SUPT3H: variants seen among roughly 807,000 people sequenced by gnomAD.
SUPT3H encodes the protein SPT3 homolog, SAGA and STAGA complex component.
Under a neutral mutation model 44.3 loss-of-function variants are expected in SUPT3H, and 44 were observed. The ratio of observed to expected loss-of-function variants is 0.99; its 90% CI spans 0.78 to 1.28. The LOEUF is 1.28. Ranked by LOEUF, SUPT3H falls within the 50% of genes most tolerant of loss-of-function variation. SUPT3H has a pLI of 0.00. For missense variants in SUPT3H, 380 were observed against 387.1 expected (o/e 0.98, Z 0.15); for synonymous variants, 124 against 125.6 (o/e 0.99, Z 0.09).
At chr6:45,017,790 G>A (rs940859481) in intron 4 of SUPT3H, among the ~76,000 whole-genome samples, 8 of 143,148 alleles carry the variant, frequency 5.6e-5, no homozygotes, top group Admixed American at 3.5e-4. Context: ...GATGCCTCCA[G>A]CTTTGTTCTT....
chr6:45,007,020 G>A (rs972727492), intron 5 of SUPT3H, among the ~76,000 whole-genome samples: 5 of 151,992 alleles, frequency 3.3e-5, no homozygotes, highest in Admixed American at 6.6e-5. Context: ...GCATATTGTC[G>A]AATATGTTTC....
intron 3 of SUPT3H, among the ~76,000 whole-genome samples, chr6:45,078,877 CTG>C (rs2153557251): frequency 6.6e-6 from 1 of 152,326 alleles, no homozygotes; most frequent in Admixed American, 6.5e-5. Context: ...TTAGAATTCT[CTG>C]TCTTTGACTT....
chr6:44,988,967 G>A (rs971035828), intron 6 of SUPT3H, among the ~76,000 whole-genome samples: 3 of 152,062 alleles, frequency 2.0e-5, no homozygotes, highest in Non-Finnish European at 2.9e-5. Flanking sequence ...TATTACGAAT[G>A]AATTGTAAAT....
At chr6:44,964,897 T>C (rs920446295) in intron 6 of SUPT3H, among the ~76,000 whole-genome samples, 3 of 152,160 alleles carry the variant, frequency 2.0e-5, no homozygotes, top group Middle Eastern at 3.2e-3. Context: ...TCAAAGGGAA[T>C]TGAGGCTCAG....
At chr6:45,206,740 T>C (rs948460435) in intron 2 of SUPT3H, among the ~76,000 whole-genome samples, 26 of 152,014 alleles carry the variant, frequency 1.7e-4, no homozygotes, top group African/African-American at 6.3e-4. Context: ...ATGTGGGCTG[T>C]GAGAGAGTTA....
chr6:45,107,711 C>A (rs1196276283), intron 2 of SUPT3H, among the ~76,000 whole-genome samples: 1 of 152,046 alleles, frequency 6.6e-6, no homozygotes, highest in Non-Finnish European at 1.5e-5. Flanking sequence ...TGAAAGAATT[C>A]CCATGGATGA....
intron 9 of SUPT3H, among the ~76,000 whole-genome samples, chr6:44,935,148 T>TA (rs1210329133): frequency 6.6e-6 from 1 of 152,070 alleles, no homozygotes; most frequent in African/African-American, 2.4e-5. Flanking sequence ...AGGAAGCCTT[T>TA]AAACGTTATA....
At chr6:45,373,858 C>CA (rs1796425945) in intron 1 of SUPT3H, among the ~76,000 whole-genome samples, 1 of 152,084 alleles carries the variant, frequency 6.6e-6, no homozygotes, top group African/African-American at 2.4e-5. Context: ...CAGCCTGTGA[C>CA]TTACAATATT....
At chr6:45,249,773 A>C (rs1034015595) in intron 2 of SUPT3H, among the ~76,000 whole-genome samples, 1 of 151,660 alleles carries the variant, frequency 6.6e-6, no homozygotes, top group Non-Finnish European at 1.5e-5. Context: ...AAGTTACACC[A>C]GAGAAACGCT....
chr6:44,897,715 C>A (rs1168492919), intron 10 of SUPT3H, among the ~76,000 whole-genome samples: 1 of 152,156 alleles, frequency 6.6e-6, no homozygotes, highest in South Asian at 2.1e-4. Context: ...CCTGGGGATA[C>A]AACAGCGAGC....
chr6:44,817,734 T>G (rs1411705146), intron 11 of SUPT3H, among the ~76,000 whole-genome samples: 8 of 152,134 alleles, frequency 5.3e-5, no homozygotes, highest in African/African-American at 1.9e-4. Context: ...TAAATATTTC[T>G]TATAACATCA....
chr6:45,018,956 G>A (rs1784715961), intron 4 of SUPT3H, among the ~76,000 whole-genome samples: 4 of 152,010 alleles, frequency 2.6e-5, no homozygotes, highest in Admixed American at 2.6e-4. Flanking sequence ...GGTAGAATTC[G>A]GCTGTGAATC....
chr6:44,900,070 C>T lies in SUPT3H; in HGVS notation c.912+32583G>A, dbSNP rs116053958. ...GAGCCAAGACGGCTGAATAGAACAG[C>T]TCCAGTCTACAGCTCCCAGCATAAG... On this transcript the variant is annotated intron_variant, in intron 10 of 10. Coordinates refer to ENST00000371459, the MANE Select transcript of SUPT3H (RefSeq NM_003599.4). 4.7e-3 allele frequency among the ~76,000 whole-genome samples: 718 copies of T among 152,300 alleles called. 8 individuals carry two copies. The highest frequency in any genetic ancestry group is 0.016 in the African/African-American group (670 of 41,556).
chr6:45,064,912 G>A (rs796778539), intron 3 of SUPT3H, among the ~76,000 whole-genome samples: 2,534 of 147,018 alleles, frequency 0.017, 49 homozygotes, highest in South Asian at 0.085. Context: ...GAGACAGAAA[G>A]TCAACAAGGA....
intron 10 of SUPT3H, among the ~76,000 whole-genome samples, chr6:44,851,365 A>G (rs190201618): frequency 2.0e-4 from 31 of 152,368 alleles, no homozygotes; most frequent in African/African-American, 5.8e-4. Flanking sequence ...TTGGAGAGAC[A>G]CTGATGTGAC....
At chr6:45,275,714 T>C (rs1410321048) in intron 2 of SUPT3H, among the ~76,000 whole-genome samples, 7 of 152,150 alleles carry the variant, frequency 4.6e-5, no homozygotes, top group Admixed American at 4.6e-4. Context: ...GTTAGGTAAG[T>C]TGTTAATATT....
intron 2 of SUPT3H, among the ~76,000 whole-genome samples, chr6:45,313,394 T>C (rs1217593780): frequency 6.6e-6 from 1 of 151,998 alleles, no homozygotes; most frequent in Non-Finnish European, 1.5e-5. Context: ...GATAGACCAT[T>C]TGCAAGATTA....
Position 44,954,521 on chromosome 6 carries a change from ATG to A in SUPT3H, c.665_666del (p.Ala222ValfsTer5), listed in dbSNP as rs781191348. ...TGTGCCACAGTTTCATACGCTAAAT[ATG>A]CTAAGATTTCCATTGCGACAACATT... is the stretch of plus-strand genomic sequence containing the variant. ...KPNVVAMEILAYLAYETVAQL... is the reference protein window; with the variant it reads ...KPNVVAMEILXYLAYETVAQL... On this transcript the variant is annotated frameshift_variant, in exon 8 of 11. Transcript: ENST00000371459. LOFTEE classifies it high-confidence loss of function. The A allele has an allele frequency of 6.2e-7, 1 of 1,614,018 alleles. No homozygotes were observed. Among genetic ancestry groups the A allele is most frequent in the South Asian group, 1.1e-5 (1 of 91,080 alleles).
intron 10 of SUPT3H, among the ~76,000 whole-genome samples, chr6:44,880,020 C>T (rs190102578): frequency 1.3e-5 from 2 of 152,180 alleles, no homozygotes; most frequent in Admixed American, 1.3e-4. Context: ...AATGCCTCTT[C>T]TCCAAAAAAT....
Sources: gnomAD v4.1 joint callset for allele counts (sites outside exome capture counted in the v4.1 genomes callset) on GRCh38, gnomAD v4.1.1 for gene constraint, MANE v1.5 for transcripts, NCBI Gene and HGNC (gene_info 2026-07-23, HGNC 2026-07-21) for gene names.